The following MGAM2 variants were observed in gnomAD, a reference collection of about 807,000 sequenced individuals.
The protein encoded by MGAM2 is probable maltase-glucoamylase 2.
A neutral mutation model predicts 96.1 loss-of-function variants in MGAM2; 98 were observed. That is an observed-to-expected ratio of 1.02 (90% confidence interval 0.87 to 1.21). The LOEUF is 1.21. MGAM2 is among the 50% of genes most tolerant of loss of function. The pLI, the probability that MGAM2 is intolerant of heterozygous loss-of-function variation, is 0.00. For missense variants in MGAM2, 2,055 were observed against 1,182.4 expected, an observed-to-expected ratio of 1.74 and a Z score of -10.82; for synonymous variants, 749 against 414.8, an observed-to-expected ratio of 1.81 and a Z score of -9.79.
rs541707431 is a variant in MGAM2, at chr7:142,118,274, T to A, written c.106+1295T>A. Among the ~76,000 whole-genome samples the A allele has an allele frequency of 4.6e-5, 7 of 152,310 alleles. No homozygotes were observed. In the East Asian group the frequency reaches 1.3e-3, roughly 29 times the overall value. On this transcript the variant is annotated intron_variant, in intron 2 of 47. Transcript: ENST00000477922. ...GTGGACTCCCAGAGTATTTATCCTT[T>A]TGTGACTGGCTTAATTCACTTTGCA...
At chr7:142,152,186 AC>A (rs762894866) in intron 15 of MGAM2, among the ~76,000 whole-genome samples, 1 of 142,076 alleles carries the variant, frequency 7.0e-6, no homozygotes, top group Admixed American at 7.0e-5. Flanking sequence ...AAAAAAAAAA[AC>A]CCAGCAGTTA....
intron 2 of MGAM2, among the ~76,000 whole-genome samples, chr7:142,119,374 C>T (rs1336164573): frequency 1.3e-5 from 2 of 152,132 alleles, no homozygotes; most frequent in African/African-American, 4.8e-5. Flanking sequence ...TAACATATCA[C>T]TTTCACACCC....
Position 142,118,879 on chromosome 7 carries a change from C to T in MGAM2, c.107-1423C>T, listed in dbSNP as rs569892651. On this transcript the variant is annotated intron_variant, in intron 2 of 47. Transcript: ENST00000477922. Reference sequence around the variant, plus strand: ...CAAAGACTTAATATAAGAGCTAAAACTATAAAACTCTAGGAACATGTAAAT... The same window carrying T: ...CAAAGACTTAATATAAGAGCTAAAATTATAAAACTCTAGGAACATGTAAAT... Among the ~76,000 whole-genome samples the T allele has an allele frequency of 7.9e-5, 12 of 152,188 alleles. 1 individual carries two copies. Among genetic ancestry groups the T allele is most frequent in the African/African-American group, 2.6e-4 (11 of 41,518 alleles).
In MGAM2 at chr7:142,167,466, G is replaced by A. The variant is rs891648158; in HGVS notation, c.3007G>A (p.Ala1003Thr). The A allele has an allele frequency of 2.8e-6, 2 of 702,880 alleles. No individual in the cohort carries two copies. Among genetic ancestry groups the A allele is most frequent in the Admixed American group, 2.0e-5 (1 of 50,002 alleles). The allele number at this position is 702,880 out of a possible 1,614,324, so 43.5% of individuals were successfully genotyped here. Reference protein sequence around the residue: ...FLHLKVIYHTATMLQVKIYDP... With the variant: ...FLHLKVIYHTTTMLQVKIYDP... ...CCACCTGAAAGTGATCTATCACACAGCAACCATGCTGCAGGTCAAGGTAAG... is the reference window on the plus strand; with the variant it reads ...CCACCTGAAAGTGATCTATCACACAACAACCATGCTGCAGGTCAAGGTAAG... The change falls in exon 26 of 48, where the codon GCA becomes ACA. Residue 1003 changes from alanine to threonine, a missense_variant. Coordinates refer to ENST00000477922, the MANE Select transcript of MGAM2 (RefSeq NM_001293626.2).
intron 3 of MGAM2, among the ~76,000 whole-genome samples, chr7:142,122,288 T>C (rs538350780): frequency 6.6e-6 from 1 of 152,336 alleles, no homozygotes; most frequent in East Asian, 1.9e-4. Flanking sequence ...TCACCAAGTA[T>C]ATTATTAGCT....
intron 3 of MGAM2, among the ~76,000 whole-genome samples, chr7:142,129,506 A>C (rs757452332): frequency 2.0e-4 from 31 of 152,096 alleles, no homozygotes; most frequent in Non-Finnish European, 4.0e-4. Context: ...ATTGAATTTC[A>C]ATTGTAGTTG....
At chr7:142,113,902 C>T (rs1041573421) in intron 1 of MGAM2, among the ~76,000 whole-genome samples, 17 of 152,054 alleles carry the variant, frequency 1.1e-4, no homozygotes, top group Admixed American at 5.9e-4. Context: ...GAGGCCAAGG[C>T]GGGCGGATCA....
chr7:142,131,467 A>T, intron 4 of MGAM2, 51 bp from the exon 5 acceptor site: 1 of 688,952 alleles, frequency 1.5e-6, no homozygotes, highest in South Asian at 1.5e-5. Flanking sequence ...ACAAAACCAA[A>T]CACTAAAAGT....
At chr7:142,213,444 A>G (rs536173865) in intron 46 of MGAM2, among the ~76,000 whole-genome samples, 1 of 152,306 alleles carries the variant, frequency 6.6e-6, no homozygotes, top group Admixed American at 6.5e-5. Context: ...ATAAAGAAAA[A>G]AAGAGAGAAG....
At position 142,196,298 on chromosome 7, in the gene MGAM2, T is replaced by A. The variant is rs1204137467; in HGVS notation, c.4480+11T>A. The A allele has an allele frequency of 1.4e-6, 1 of 731,104 alleles. No homozygotes were observed. Among genetic ancestry groups the A allele is most frequent in the Admixed American group, 2.0e-5 (1 of 49,924 alleles). The allele number at this position is 731,104 out of a possible 1,614,324, so 45.3% of individuals were successfully genotyped here. On this transcript the variant is annotated intron_variant, in intron 38 of 47. Transcript: ENST00000477922. ...GGAAATCTATCATTGGTGTGTGGGC[T>A]CATTCCCAGGGGCCTGTGCTGGCAG...
intron 33 of MGAM2, among the ~76,000 whole-genome samples, chr7:142,184,082 C>T (rs1796624480): frequency 6.8e-6 from 1 of 147,398 alleles, no homozygotes; most frequent in Admixed American, 6.9e-5. Flanking sequence ...AAGCGATTCT[C>T]CTGCCTCAGC....
chr7:142,198,764 C>T (rs1271831788), intron 44 of MGAM2, 25 bp downstream of exon 44: 3 of 701,036 alleles, frequency 4.3e-6, no homozygotes, highest in African/African-American at 1.7e-5. Flanking sequence ...CAATGTCTAA[C>T]AGCCTCTTGC....
chr7:142,179,901 T>C (rs1488873531), intron 32 of MGAM2, among the ~76,000 whole-genome samples: 2 of 152,180 alleles, frequency 1.3e-5, no homozygotes, highest in Admixed American at 6.5e-5. Context: ...GCATCCCTCC[T>C]CAAGTCTTTT....
intron 1 of MGAM2, among the ~76,000 whole-genome samples, chr7:142,114,194 G>GAAAGAAAGAA (rs1311909251): frequency 2.2e-5 from 3 of 136,982 alleles, no homozygotes; most frequent in Non-Finnish European, 3.1e-5. Context: ...AAGAAAGAAA[G>GAAAGAAAGAA]AAAGAAAGAA....
At chr7:142,142,772 ACTC>A (rs1252369716) in intron 12 of MGAM2, among the ~76,000 whole-genome samples, 8 of 151,848 alleles carry the variant, frequency 5.3e-5, no homozygotes, top group Non-Finnish European at 8.8e-5. Context: ...CTGGTCTCGA[ACTC>A]CTGACCTCGT....
chr7:142,177,295 A>C (rs139483732), intron 32 of MGAM2, among the ~76,000 whole-genome samples: 4,284 of 152,280 alleles, frequency 0.028, 102 homozygotes, highest in Middle Eastern at 0.044. Flanking sequence ...AAACCATCAG[A>C]TCTCATGAGA....
At chr7:142,124,979 A>T (rs1277915220) in intron 3 of MGAM2, among the ~76,000 whole-genome samples, 1 of 152,152 alleles carries the variant, frequency 6.6e-6, no homozygotes, top group Non-Finnish European at 1.5e-5. Flanking sequence ...CCTGCAAATA[A>T]TAACAGTTGG....
At chr7:142,177,195 G>C (rs889623189) in intron 32 of MGAM2, among the ~76,000 whole-genome samples, 5 of 152,166 alleles carry the variant, frequency 3.3e-5, no homozygotes, top group Non-Finnish European at 5.9e-5. Context: ...TGGCTGGAGA[G>C]GCCTCACAAT....
In MGAM2 at chr7:142,161,112, T is replaced by C. The variant is rs1014408820; in HGVS notation, c.2346-13T>C. ...ATCTACATTCTCTGAAACTGGGAAG[T>C]ACTCTTTTACAGCCGGAGGAATTCC... On this transcript the variant is annotated splice_polypyrimidine_tract_variant and intron_variant, in intron 21 of 47. Coordinates refer to ENST00000477922, the MANE Select transcript of MGAM2 (RefSeq NM_001293626.2). 1 of 702,196 alleles carries C rather than the reference T, an allele frequency of 1.4e-6. No homozygotes were observed. Among genetic ancestry groups the C allele is most frequent in the African/African-American group, 1.7e-5 (1 of 57,344 alleles). 43.5% of individuals were successfully genotyped at this position (702,196 alleles called of 1,614,324 possible). A position where few individuals can be genotyped will look rare whatever the true frequency, so the allele number is the denominator to read the frequency against.
Sources: gnomAD v4.1 joint callset for allele counts (sites outside exome capture counted in the v4.1 genomes callset) on GRCh38, gnomAD v4.1.1 for gene constraint, MANE v1.5 for transcripts, NCBI Gene and HGNC (gene_info 2026-07-23, HGNC 2026-07-21) for gene names.